Variants in VPS26C observed in about 807,000 individuals in gnomAD.
VPS26C encodes VPS26 endosomal protein sorting factor C.
In VPS26C, 19 loss-of-function variants were observed where a neutral mutation model predicts 30.6. That is an observed-to-expected ratio of 0.62 (90% CI 0.43 to 0.91). The LOEUF is 0.91. Among genes scored for constraint, VPS26C ranks in the 40% least tolerant of loss-of-function variants. The pLI is 0.00. For missense variants in VPS26C, 318 were observed against 385.1 expected, an observed-to-expected ratio of 0.83 and a Z score of 1.46; for synonymous variants, 132 against 151.5, an observed-to-expected ratio of 0.87 and a Z score of 0.95.
At chr21:37,255,374 C>T (rs1301648950) in intron 1 of VPS26C, among the ~76,000 whole-genome samples, 1 of 152,054 alleles carries the variant, frequency 6.6e-6, no homozygotes, top group African/African-American at 2.4e-5. Flanking sequence ...ACAGTAAAAC[C>T]ATAAACGTAA....
chr21:37,255,768 T>G (rs2086235359), intron 1 of VPS26C, among the ~76,000 whole-genome samples: 1 of 151,578 alleles, frequency 6.6e-6, no homozygotes, highest in Non-Finnish European at 1.5e-5. Flanking sequence ...GGATAGTCAG[T>G]AAACTGGTGG....
At position 37,224,325 on chromosome 21, in the gene VPS26C, A is replaced by C. The variant is rs1040561020; in HGVS notation, c.*1219T>G. The C allele has an allele frequency of 2.0e-5, 3 of 152,088 alleles. No individual in the cohort carries two copies. Among genetic ancestry groups the C allele is most frequent in the Non-Finnish European group, 4.4e-5 (3 of 68,096 alleles). 9.4% of individuals were successfully genotyped at this position (152,088 alleles called of 1,614,324 possible). A position where few individuals can be genotyped will look rare whatever the true frequency, so the allele number is the denominator to read the frequency against. On this transcript the variant is annotated 3_prime_UTR_variant, in exon 8 of 8. Transcript: ENST00000309117. ...GACAGGAGGATCACTTGAGTCTAGGAGTTCAAGACCAGCCTGGGCAACATA... is the reference window on the plus strand; with the variant it reads ...GACAGGAGGATCACTTGAGTCTAGGCGTTCAAGACCAGCCTGGGCAACATA...
At chr21:37,240,965 G>A (rs750981354) in intron 1 of VPS26C, among the ~76,000 whole-genome samples, 1 of 152,216 alleles carries the variant, frequency 6.6e-6, no homozygotes, top group Non-Finnish European at 1.5e-5. Flanking sequence ...GCAAGGAGAA[G>A]GGCCAGGGCA....
At chr21:37,252,220 A>AT (rs1429138821) in intron 1 of VPS26C, among the ~76,000 whole-genome samples, 1 of 152,250 alleles carries the variant, frequency 6.6e-6, no homozygotes, top group Non-Finnish European at 1.5e-5. Context: ...GAGACAATTA[A>AT]TTGCTTGTTG....
At chr21:37,250,891 C>A (rs2086186037) in intron 1 of VPS26C, among the ~76,000 whole-genome samples, 1 of 122,110 alleles carries the variant, frequency 8.2e-6, no homozygotes, top group Admixed American at 9.1e-5. Flanking sequence ...CAGAGTGAGA[C>A]TCCATTTCAA....
intron 1 of VPS26C, among the ~76,000 whole-genome samples, chr21:37,255,851 A>ATTCTTTTTTTTTTTTTTTTTT (rs2086236897): frequency 9.2e-6 from 1 of 108,514 alleles, no homozygotes; most frequent in African/African-American, 4.6e-5. Context: ...TATGCACTGC[A>ATTCTTTTTTTTTTTTTTTTTT]TTTTTTTTTT....
At chr21:37,259,950 G>A (rs933692674) in intron 1 of VPS26C, among the ~76,000 whole-genome samples, 2 of 152,144 alleles carry the variant, frequency 1.3e-5, no homozygotes, top group African/African-American at 2.4e-5. Context: ...CGGCCCCCAC[G>A]AGGTGTTGGA....
intron 2 of VPS26C, 152 bp from the exon 3 acceptor site, chr21:37,238,761 A>G (rs918403593): frequency 2.5e-6 from 2 of 812,512 alleles, no homozygotes; most frequent in East Asian, 2.6e-5. Context: ...GGAGATGAAC[A>G]GTGACTTGGC....
intron 1 of VPS26C, among the ~76,000 whole-genome samples, chr21:37,247,215 C>G (rs1209945908): frequency 6.6e-6 from 1 of 152,216 alleles, no homozygotes; most frequent in Non-Finnish European, 1.5e-5. Context: ...ACATTCACAT[C>G]ATCACAGAGA....
intron 1 of VPS26C, among the ~76,000 whole-genome samples, chr21:37,262,153 C>A (rs1285907010): frequency 1.3e-5 from 2 of 152,234 alleles, no homozygotes; most frequent in East Asian, 3.9e-4. Context: ...GCTGTTGCTG[C>A]CAGATTAGAT....
intron 1 of VPS26C, among the ~76,000 whole-genome samples, chr21:37,251,803 A>G (rs2086196433): frequency 1.3e-5 from 2 of 152,240 alleles, no homozygotes; most frequent in African/African-American, 4.8e-5. Flanking sequence ...GATAACCTAT[A>G]GGCCTAATAG....
chr21:37,253,272 A>C (rs910679008), intron 1 of VPS26C, among the ~76,000 whole-genome samples: 5 of 152,212 alleles, frequency 3.3e-5, no homozygotes, highest in African/African-American at 1.2e-4. Context: ...TGTATCAGAC[A>C]CTGTTTTAGG....
At position 37,240,380 on chromosome 21, in the gene VPS26C, C is replaced by T. The variant is rs181231914; in HGVS notation, c.201+116G>A. On this transcript the variant is annotated intron_variant, in intron 2 of 7. Coordinates refer to ENST00000309117, the MANE Select transcript of VPS26C (RefSeq NM_006052.2). Reference sequence around the variant, plus strand: ...GCTCAAGCGATCCTCCCGCCTTGGCCTCCCAAATTACTGAGATTACAGGCC... The same window carrying T: ...GCTCAAGCGATCCTCCCGCCTTGGCTTCCCAAATTACTGAGATTACAGGCC... 1.9e-5 allele frequency: 23 copies of T among 1,210,392 alleles called. No individual in the cohort carries two copies. The East Asian group carries it at 4.9e-4, about 26-fold the overall frequency. The allele number at this position is 1,210,392 out of a possible 1,614,324, so 75.0% of individuals were successfully genotyped here.
At chr21:37,238,073 A>C in intron 3 of VPS26C, 1 of 171,138 alleles carries the variant, frequency 5.8e-6, no homozygotes, top group Non-Finnish European at 1.2e-5. Context: ...ATGTCAAAGT[A>C]GTAGCCTTTG....
At chr21:37,244,863 TACACCTGGGAACAGCTGAGGCC>T (rs2086121460) in intron 1 of VPS26C, among the ~76,000 whole-genome samples, 2 of 152,050 alleles carry the variant, frequency 1.3e-5, no homozygotes, top group South Asian at 4.1e-4. Flanking sequence ...AAAGTGAGGG[TACACCTGGGAACAGCTGAGGCC>T]ACACCCAGAG....
In VPS26C at chr21:37,257,356, T is replaced by C. The variant is rs2086254070; in HGVS notation, c.57+9882A>G. Among the ~76,000 whole-genome samples, 1 of 152,058 alleles carries C rather than the reference T, an allele frequency of 6.6e-6. No individual in the cohort carries two copies. The highest frequency in any genetic ancestry group is 6.5e-5 in the Admixed American group (1 of 15,274). ...TAGCGGCTTCTCGTGGGCGAGTCCC[T>C]GTTCGCAGGTGACGTGTGGACCACG... On this transcript the variant is annotated intron_variant, in intron 1 of 7. Coordinates refer to ENST00000309117, the MANE Select transcript of VPS26C (RefSeq NM_006052.2). The surrounding 1 kb of genome is among the most constrained non-coding windows in gnomAD (Gnocchi z 4.2).
Position 37,235,866 on chromosome 21 carries a change from TATATATA to T in VPS26C, c.352-2431_352-2425del, listed in dbSNP as rs1452273362. On this transcript the variant is annotated intron_variant, in intron 3 of 7. Coordinates refer to ENST00000309117, the MANE Select transcript of VPS26C (RefSeq NM_006052.2). ...ATATGTGTGTGTATATATATATATA[TATATATA>T]TATATATTTTTTTTTTTAATTAAAA... Among the ~76,000 whole-genome samples, 330 of 104,318 alleles carry T rather than the reference TATATATA, an allele frequency of 3.2e-3. 6 individuals carry two copies. In the South Asian group the frequency reaches 0.036, roughly 12 times the overall value. 68.4% of individuals were successfully genotyped at this position (104,318 alleles called of 152,430 possible). A position where few individuals can be genotyped will look rare whatever the true frequency, so the allele number is the denominator to read the frequency against.
chr21:37,251,706 T>A (rs1184061656), intron 1 of VPS26C, among the ~76,000 whole-genome samples: 1 of 152,218 alleles, frequency 6.6e-6, no homozygotes, highest in African/African-American at 2.4e-5. Context: ...TTACCTATTA[T>A]AATGAATCCA....
intron 3 of VPS26C, among the ~76,000 whole-genome samples, chr21:37,237,167 T>C (rs1296551496): frequency 1.3e-5 from 2 of 152,168 alleles, no homozygotes; most frequent in African/African-American, 4.8e-5. Flanking sequence ...TTTAAACAAA[T>C]TCATCTTCTT....
Sources: gnomAD v4.1 joint callset for allele counts (sites outside exome capture counted in the v4.1 genomes callset) on GRCh38, gnomAD v4.1.1 for gene constraint, Gnocchi (gnomAD v3.1) non-coding constraint, MANE v1.5 for transcripts, NCBI Gene and HGNC (gene_info 2026-07-23, HGNC 2026-07-21) for gene names.